Variants in PLXNA4 observed in about 807,000 individuals in gnomAD.
The protein encoded by PLXNA4 is plexin A4.
In PLXNA4, 44 loss-of-function variants were observed where a neutral mutation model predicts 191.8. The ratio of observed to expected loss-of-function variants is 0.23; its 90% CI spans 0.18 to 0.29. The LOEUF is 0.29. Among genes scored for constraint, PLXNA4 ranks in the 10% least tolerant of loss-of-function variants. The pLI, the probability that PLXNA4 is intolerant of heterozygous loss-of-function variation, is 1.00. For synonymous variants in PLXNA4, 1,082 were observed against 1,009.5 expected, an observed-to-expected ratio of 1.07 and a Z score of -1.36; for missense variants, 1,800 against 2,488.8, an observed-to-expected ratio of 0.72 and a Z score of 5.89.
intron 2 of PLXNA4, among the ~76,000 whole-genome samples, chr7:132,500,713 T>C (rs1188836033): frequency 6.6e-6 from 1 of 152,176 alleles, no homozygotes; most frequent in Admixed American, 6.5e-5. Flanking sequence ...GCTATGAAGA[T>C]GTTTGAGTGT....
upstream of PLXNA4, among the ~76,000 whole-genome samples, chr7:132,579,776 G>A (rs1192801441): frequency 6.6e-6 from 1 of 150,532 alleles, no homozygotes; most frequent in Non-Finnish European, 1.5e-5. Context: ...GCCTTTCCCC[G>A]GTTGCCTTCC....
chr7:132,449,137 C>T (rs981368496), intron 3 of PLXNA4, among the ~76,000 whole-genome samples: 1 of 152,230 alleles, frequency 6.6e-6, no homozygotes, highest in Non-Finnish European at 1.5e-5. Context: ...CCAATAGACA[C>T]TGATTAGGCA....
At chr7:132,473,780 T>C (rs1480293464) in intron 3 of PLXNA4, among the ~76,000 whole-genome samples, 1 of 151,568 alleles carries the variant, frequency 6.6e-6, no homozygotes, top group Non-Finnish European at 1.5e-5. Context: ...ATAAATTCCA[T>C]ACTGGGAAGT....
At chr7:132,166,648 C>CAAG (rs1192598758) in intron 22 of PLXNA4, among the ~76,000 whole-genome samples, 1 of 151,100 alleles carries the variant, frequency 6.6e-6, no homozygotes, top group Non-Finnish European at 1.5e-5. Context: ...CAGCCGGGGG[C>CAAG]AAGAAGAAGA....
rs1802233633 is a variant in PLXNA4, at chr7:132,576,317, G to A, written c.-87+105C>T. 1.2e-6 allele frequency: 1 copy of A among 853,034 alleles called. No homozygotes were observed. 52.8% of individuals were successfully genotyped at this position (853,034 alleles called of 1,614,324 possible). A position where few individuals can be genotyped will look rare whatever the true frequency, so the allele number is the denominator to read the frequency against. On this transcript the variant is annotated intron_variant, in intron 1 of 31. Transcript: ENST00000321063. The surrounding 1 kb of genome is among the most constrained non-coding windows in gnomAD (Gnocchi z 5.8). ...CGTGTGTGCGTGTGCGTGTGCCGCG[G>A]GCTGGCTCCGGGACACTGAGGACTC...
intron 3 of PLXNA4, among the ~76,000 whole-genome samples, chr7:132,478,392 A>C (rs1258589315): frequency 6.6e-6 from 1 of 152,250 alleles, no homozygotes; most frequent in African/African-American, 2.4e-5. Context: ...TTTACTCATC[A>C]CAAGTGATAC....
intron 29 of PLXNA4, among the ~76,000 whole-genome samples, chr7:132,144,433 G>C (rs1488768251): frequency 2.0e-5 from 3 of 152,208 alleles, no homozygotes; most frequent in African/African-American, 7.2e-5. Flanking sequence ...AGAACACCTA[G>C]AGTGTCAATT....
chr7:132,133,970 G>C (rs1451270047), intron 30 of PLXNA4, among the ~76,000 whole-genome samples: 2 of 152,118 alleles, frequency 1.3e-5, no homozygotes, highest in Non-Finnish European at 2.9e-5. Flanking sequence ...AAACCTCAAG[G>C]CCTTGTGGTG....
At position 132,203,431 on chromosome 7, in the gene PLXNA4, TC is replaced by T; in HGVS notation, c.2299-13del. On this transcript the variant is annotated splice_polypyrimidine_tract_variant and intron_variant, in intron 10 of 31. Coordinates refer to ENST00000321063, the MANE Select transcript of PLXNA4 (RefSeq NM_020911.2). The stretch of plus-strand genomic sequence containing the variant: ...CCTTCATAGGAATACTGCAGCCAGG[TC>T]GGGGAGGAGGAAAGAAGAAAGTGGG... 1 of 1,612,756 alleles carries T rather than the reference TC, an allele frequency of 6.2e-7. No individual in the cohort carries two copies. The highest frequency in any genetic ancestry group is 1.1e-5 in the South Asian group (1 of 91,058).
intron 1 of PLXNA4, among the ~76,000 whole-genome samples, chr7:132,512,575 AAG>A (rs1292848887): frequency 6.6e-6 from 1 of 152,196 alleles, no homozygotes; most frequent in Non-Finnish European, 1.5e-5. Flanking sequence ...GGAAACAAAT[AAG>A]AGAGAAATGG....
chr7:132,343,791 C>T, intron 3 of PLXNA4, among the ~76,000 whole-genome samples: 1 of 152,192 alleles, frequency 6.6e-6, no homozygotes, highest in Admixed American at 6.5e-5. Context: ...GTGGTGCACA[C>T]CTATAATCCC....
intron 2 of PLXNA4, among the ~76,000 whole-genome samples, chr7:132,494,380 A>C (rs1029431387): frequency 1.2e-4 from 19 of 152,164 alleles, no homozygotes; most frequent in African/African-American, 3.9e-4. Flanking sequence ...AGACATCTTC[A>C]TCTTCACACC....
At chr7:132,394,909 C>G (rs1009926383) in intron 3 of PLXNA4, among the ~76,000 whole-genome samples, 10 of 152,242 alleles carry the variant, frequency 6.6e-5, no homozygotes, top group Non-Finnish European at 1.0e-4. Flanking sequence ...GGCTCTGATC[C>G]ACCAGTCAGG....
Position 132,508,445 on chromosome 7 carries a change from C to G in PLXNA4, c.249G>C (p.Thr83=). The change falls in exon 2 of 32, where the codon ACG becomes ACC. Residue 83 remains threonine (T), a synonymous_variant. Transcript: ENST00000321063. The surrounding 1 kb of genome is among the most constrained non-coding windows in gnomAD (Gnocchi z 4.4). ...TGTCCTCGTCCGGCCCTGTCTCATG[C>G]GTCACCAAGACCTTCAGGTCGCTGG... ...KLSSDLKVLV[T]HETGPDEDNP... The G allele has an allele frequency of 6.2e-7, 1 of 1,614,194 alleles. No individual in the cohort carries two copies. Among genetic ancestry groups the G allele is most frequent in the Non-Finnish European group, 8.5e-7 (1 of 1,180,040 alleles).
intron 14 of PLXNA4, among the ~76,000 whole-genome samples, chr7:132,191,772 A>ATCTCTCTCTCTCTCTCTCTCTCTC (rs145828587): frequency 0.017 from 2,364 of 142,636 alleles, 145 homozygotes; most frequent in Admixed American, 0.096. Flanking sequence ...TCCTCTCTCC[A>ATCTCTCTCTCTCTCTCTCTCTCTC]TCTCTCTCTC....
At chr7:132,230,645 T>C (rs1397218060) in intron 5 of PLXNA4, among the ~76,000 whole-genome samples, 1 of 152,198 alleles carries the variant, frequency 6.6e-6, no homozygotes, top group Non-Finnish European at 1.5e-5. Context: ...CTCCATTACC[T>C]TCAGCCATTA....
At chr7:132,204,152 TC>T (rs148663819) in intron 10 of PLXNA4, among the ~76,000 whole-genome samples, 6,858 of 152,270 alleles carry the variant, frequency 0.045, 220 homozygotes, top group Non-Finnish European at 0.07. Context: ...TGTGCTCCTG[TC>T]CTCGGAGGGC....
At chr7:132,626,330 T>C (rs1474271431) in intron 2 of PLXNA4, among the ~76,000 whole-genome samples, 1 of 152,228 alleles carries the variant, frequency 6.6e-6, no homozygotes, top group Non-Finnish European at 1.5e-5. Flanking sequence ...TTGCCTCAGC[T>C]TTGAGAGTGC....
chr7:132,272,872 C>A (rs1430419434), intron 4 of PLXNA4, among the ~76,000 whole-genome samples: 1 of 152,144 alleles, frequency 6.6e-6, no homozygotes, highest in Non-Finnish European at 1.5e-5. Context: ...CGTTCTTCAT[C>A]GCTCGTTCTC....
Sources: gnomAD v4.1 joint callset for allele counts (sites outside exome capture counted in the v4.1 genomes callset) on GRCh38, gnomAD v4.1.1 for gene constraint, Gnocchi (gnomAD v3.1) non-coding constraint, MANE v1.5 for transcripts, NCBI Gene and HGNC (gene_info 2026-07-23, HGNC 2026-07-21) for gene names.